ATXN7L1: variants seen among roughly 807,000 people sequenced by gnomAD.
The protein encoded by ATXN7L1 is ataxin 7 like 1.
ATXN7L1 carries 15 observed loss-of-function variants against 70.8 expected under a neutral mutation model. The ratio of observed to expected loss-of-function variants is 0.21; its 90% CI spans 0.14 to 0.33. ATXN7L1 has a LOEUF of 0.33. ATXN7L1 is among the 10% of genes least tolerant of loss of function. ATXN7L1 has a pLI of 1.00. For missense variants in ATXN7L1, 975 were observed against 1,097.1 expected (o/e 0.89, Z 1.57); for synonymous variants, 440 against 445.1 (o/e 0.99, Z 0.14).
intron 4 of ATXN7L1, among the ~76,000 whole-genome samples, chr7:105,649,165 T>C (rs1320002078): frequency 1.3e-5 from 2 of 152,176 alleles, no homozygotes; most frequent in Non-Finnish European, 2.9e-5. Flanking sequence ...TGTGGAGCAG[T>C]GTTTGAAAGG....
chr7:105,639,611 CTAAA>C (rs775360612), intron 5 of ATXN7L1, 42 bp from the exon 6 acceptor site: 11 of 1,419,080 alleles, frequency 7.8e-6, no homozygotes, highest in African/African-American at 5.7e-5. Context: ...AAAAAGGAGA[CTAAA>C]TAGGATTTGG....
intron 4 of ATXN7L1, among the ~76,000 whole-genome samples, chr7:105,663,982 C>T (rs1389758709): frequency 2.6e-5 from 4 of 152,102 alleles, no homozygotes; most frequent in African/African-American, 9.7e-5. Context: ...GTTGGTCAGG[C>T]CGGTCTTGAA....
chr7:105,654,059 A>T (rs970850139), intron 4 of ATXN7L1, among the ~76,000 whole-genome samples: 10 of 152,240 alleles, frequency 6.6e-5, no homozygotes, highest in African/African-American at 2.4e-4. Context: ...ACCCTGTCCC[A>T]GTATACATGT....
chr7:105,635,067 C>T (rs570956101), intron 7 of ATXN7L1, among the ~76,000 whole-genome samples: 16 of 152,330 alleles, frequency 1.1e-4, no homozygotes, highest in Non-Finnish European at 1.5e-4. Flanking sequence ...ACACTGCCCT[C>T]GTCAGTCTAA....
chr7:105,716,719 A>G (rs958135675), intron 3 of ATXN7L1, among the ~76,000 whole-genome samples: 1 of 143,052 alleles, frequency 7.0e-6, no homozygotes. Context: ...ACACACACAC[A>G]CAGTACAAAA....
chr7:105,638,103 G>A (rs1008588700), intron 7 of ATXN7L1, among the ~76,000 whole-genome samples: 2 of 152,160 alleles, frequency 1.3e-5, no homozygotes, highest in Admixed American at 6.5e-5. Context: ...CATGAAGTCC[G>A]CTGCTGCTGA....
At chr7:105,867,330 T>A (rs1248104453) in intron 2 of ATXN7L1, among the ~76,000 whole-genome samples, 3 of 152,256 alleles carry the variant, frequency 2.0e-5, no homozygotes. Context: ...ATTTTCAGCC[T>A]GACTTTAAAT....
At position 105,662,444 on chromosome 7, in the gene ATXN7L1, G is replaced by A. The variant is rs150755055; in HGVS notation, c.578+2622C>T. Reference sequence around the variant, plus strand: ...TTTTGCCCCTAGCTGAAGGGGACTTGACTGTGGCAGGTCTTAAGAAGTGTG... The same window carrying A: ...TTTTGCCCCTAGCTGAAGGGGACTTAACTGTGGCAGGTCTTAAGAAGTGTG... On this transcript the variant is annotated intron_variant, in intron 4 of 11. Transcript: ENST00000419735. Among the ~76,000 whole-genome samples, 130 of 152,278 alleles carry A rather than the reference G, an allele frequency of 8.5e-4. 2 individuals carry two copies. Among genetic ancestry groups the A allele is most frequent in the African/African-American group, 2.6e-3 (110 of 41,556 alleles).
intron 2 of ATXN7L1, among the ~76,000 whole-genome samples, chr7:105,844,338 A>G (rs531806791): frequency 1.3e-5 from 2 of 152,366 alleles, no homozygotes; most frequent in East Asian, 3.9e-4. Context: ...CCAACAAGAT[A>G]CTAGCAAACC....
At chr7:105,876,344 T>C (rs1010482693) in intron 1 of ATXN7L1, 34 bp downstream of exon 1, 4 of 1,555,168 alleles carry the variant, frequency 2.6e-6, no homozygotes, top group Non-Finnish European at 3.5e-6. Flanking sequence ...GGTTACAGGA[T>C]AATAAAAGGA....
chr7:105,811,014 C>T (rs911799292), intron 2 of ATXN7L1, among the ~76,000 whole-genome samples: 3 of 152,166 alleles, frequency 2.0e-5, no homozygotes, highest in African/African-American at 7.2e-5. Flanking sequence ...TGGCTATCAG[C>T]TAACCTAGAA....
At chr7:105,650,586 C>A (rs1225339768) in intron 4 of ATXN7L1, among the ~76,000 whole-genome samples, 1 of 152,120 alleles carries the variant, frequency 6.6e-6, no homozygotes, top group Non-Finnish European at 1.5e-5. Flanking sequence ...GCAGCAGAGA[C>A]AAAAGAAAAA....
chr7:105,703,305 CAAAA>C (rs11431783), intron 3 of ATXN7L1, among the ~76,000 whole-genome samples: 3 of 126,682 alleles, frequency 2.4e-5, no homozygotes, highest in African/African-American at 2.8e-5. Context: ...AACTCCGTCT[CAAAA>C]AAAAAAAAAA....
chr7:105,624,402 G>A lies in ATXN7L1; in HGVS notation c.1203-135C>T, dbSNP rs528126953. 168 of 890,612 alleles carry A rather than the reference G, an allele frequency of 1.9e-4. 1 individual carries two copies. In the South Asian group the frequency reaches 6.2e-3, roughly 33 times the overall value. 55.2% of individuals were successfully genotyped at this position (890,612 alleles called of 1,614,324 possible). A position where few individuals can be genotyped will look rare whatever the true frequency, so the allele number is the denominator to read the frequency against. The stretch of plus-strand genomic sequence containing the variant: ...TTCGGTGGCTCACGCCTGTAATCCC[G>A]GCACTTTGGGAGGCCAAGGCGGGCA... On this transcript the variant is annotated intron_variant, in intron 7 of 11. Transcript: ENST00000419735.
chr7:105,620,182 C>T lies in ATXN7L1; in HGVS notation c.1517+18G>A. ...GGGGCAGCTTGGATCTTATATTGCA[C>T]AAAAGCTGCTCACTTACTTCCACAT... On this transcript the variant is annotated intron_variant, in intron 9 of 11. Transcript: ENST00000419735. The T allele has an allele frequency of 6.4e-7, 1 of 1,550,632 alleles. No individual in the cohort carries two copies. The highest frequency in any genetic ancestry group is 8.7e-7 in the Non-Finnish European group (1 of 1,146,330).
In ATXN7L1 at chr7:105,805,264, G is replaced by A. The variant is rs1414951156; in HGVS notation, c.251-16556C>T. 2.0e-5 allele frequency among the ~76,000 whole-genome samples: 3 copies of A among 152,330 alleles called. No homozygotes were observed. The East Asian group carries it at 5.8e-4, about 29-fold the overall frequency. On this transcript the variant is annotated intron_variant, in intron 2 of 11. Transcript: ENST00000419735. ...GTGCCAAGGGCTTTCTCTATAACCGGCCTTCCTGGGGGCAGGCGAGAACTT... is the reference window on the plus strand; with the variant it reads ...GTGCCAAGGGCTTTCTCTATAACCGACCTTCCTGGGGGCAGGCGAGAACTT...
chr7:105,741,282 C>G (rs1797993707), intron 3 of ATXN7L1, among the ~76,000 whole-genome samples: 1 of 152,158 alleles, frequency 6.6e-6, no homozygotes. Flanking sequence ...CAAATGACCT[C>G]AAATGGCCAT....
At chr7:105,656,133 C>T (rs1562959499) in intron 4 of ATXN7L1, among the ~76,000 whole-genome samples, 2 of 152,222 alleles carry the variant, frequency 1.3e-5, no homozygotes, top group East Asian at 1.9e-4. Context: ...CCCATCAATT[C>T]GCCAGGCCAG....
At chr7:105,638,749 T>A in intron 6 of ATXN7L1, 140 bp from the exon 7 acceptor site, 1 of 1,139,512 alleles carries the variant, frequency 8.8e-7, no homozygotes, top group Non-Finnish European at 1.2e-6. Flanking sequence ...CAGCTCCTGT[T>A]CTGTGGCTAG....
Sources: gnomAD v4.1 joint callset for allele counts (sites outside exome capture counted in the v4.1 genomes callset) on GRCh38, gnomAD v4.1.1 for gene constraint, MANE v1.5 for transcripts, NCBI Gene and HGNC (gene_info 2026-07-23, HGNC 2026-07-21) for gene names.